The following KIAA1328 variants were observed in gnomAD, a reference collection of about 807,000 sequenced individuals.
KIAA1328 encodes the protein KIAA1328.
A neutral mutation model predicts 68.1 loss-of-function variants in KIAA1328; 52 were observed. The observed-to-expected ratio is 0.76, with a 90% CI of 0.61 to 0.96. The LOEUF is 0.96. Among genes scored for constraint, KIAA1328 ranks in the 40% least tolerant of loss-of-function variants. KIAA1328 has a pLI of 0.00. For missense variants in KIAA1328, 641 were observed against 677.6 expected (o/e 0.95, Z 0.60); for synonymous variants, 232 against 239.4 (o/e 0.97, Z 0.28).
At chr18:36,869,051 T>C (rs1217931231) in intron 4 of KIAA1328, among the ~76,000 whole-genome samples, 1 of 150,536 alleles carries the variant, frequency 6.6e-6, no homozygotes, top group Non-Finnish European at 1.5e-5. Context: ...TTCTTTCTTT[T>C]TTTTTTTTTT....
intron 9 of KIAA1328, among the ~76,000 whole-genome samples, chr18:37,207,480 A>C (rs957939076): frequency 6.6e-6 from 1 of 152,210 alleles, no homozygotes; most frequent in African/African-American, 2.4e-5. Flanking sequence ...GACCAAGGTC[A>C]TGTATATGTT....
At chr18:37,075,099 A>T (rs1411452329) in intron 7 of KIAA1328, 1 of 152,010 alleles carries the variant, frequency 6.6e-6, no homozygotes, top group Non-Finnish European at 1.5e-5. Context: ...TGGGTTACCC[A>T]CAAAGGGAAG....
intron 5 of KIAA1328, among the ~76,000 whole-genome samples, chr18:36,925,542 CT>C (rs796763918): frequency 1.2e-3 from 174 of 144,492 alleles, no homozygotes; most frequent in Middle Eastern, 3.6e-3. Flanking sequence ...AAATTTGGTT[CT>C]TTTTTTTTTT....
chr18:36,959,230 T>C, intron 5 of KIAA1328, 78 bp from the exon 6 acceptor site: 2 of 1,339,850 alleles, frequency 1.5e-6, no homozygotes, highest in Non-Finnish European at 2.0e-6. Flanking sequence ...GTTTTGTTTA[T>C]TGGAATATGA....
chr18:36,974,512 G>A (rs2052382652), intron 6 of KIAA1328, among the ~76,000 whole-genome samples: 1 of 152,010 alleles, frequency 6.6e-6, no homozygotes, highest in Non-Finnish European at 1.5e-5. Flanking sequence ...GTATTCCATT[G>A]TGTATATACC....
intron 9 of KIAA1328, among the ~76,000 whole-genome samples, chr18:37,197,704 A>C (rs918826615): frequency 2.0e-5 from 3 of 152,132 alleles, no homozygotes; most frequent in Non-Finnish European, 2.9e-5. Context: ...CAAGAAAAAC[A>C]TTTCCACATA....
intron 7 of KIAA1328, among the ~76,000 whole-genome samples, chr18:37,114,202 A>G (rs1402505802): frequency 6.6e-6 from 1 of 152,226 alleles, no homozygotes; most frequent in African/African-American, 2.4e-5. Flanking sequence ...TCAACAGACT[A>G]TACATTCTTC....
chr18:36,993,091 G>A (rs925126734), intron 6 of KIAA1328, among the ~76,000 whole-genome samples: 1 of 152,142 alleles, frequency 6.6e-6, no homozygotes, highest in African/African-American at 2.4e-5. Context: ...GGGTGAGAGA[G>A]TGAGATCCTG....
intron 4 of KIAA1328, among the ~76,000 whole-genome samples, chr18:36,849,157 G>T (rs769016274): frequency 6.6e-6 from 1 of 151,752 alleles, no homozygotes; most frequent in Non-Finnish European, 1.5e-5. Context: ...TCTGTGAAAC[G>T]CAATGTGCAT....
chr18:37,169,173 T>A lies in KIAA1328; in HGVS notation c.1415-3800T>A, dbSNP rs964801767. Among the ~76,000 whole-genome samples, 155 of 150,148 alleles carry A rather than the reference T, an allele frequency of 1.0e-3. 2 individuals carry two copies. The highest frequency in any genetic ancestry group is 3.7e-3 in the African/African-American group (153 of 41,156). ...ATTTATTTATTTATTTATTTATATT[T>A]TTTTTTTTTTGAGACAGAGTCTGGC... On this transcript the variant is annotated intron_variant, in intron 8 of 9. Coordinates refer to ENST00000280020, the MANE Select transcript of KIAA1328 (RefSeq NM_020776.3).
chr18:37,141,270 C>G (rs1332567679), intron 7 of KIAA1328, among the ~76,000 whole-genome samples: 2 of 152,078 alleles, frequency 1.3e-5, no homozygotes, highest in Non-Finnish European at 2.9e-5. Flanking sequence ...GATCCCTAGC[C>G]CATGCAACCA....
chr18:37,113,906 CAAAG>C (rs1556888908), intron 7 of KIAA1328, among the ~76,000 whole-genome samples: 1 of 152,040 alleles, frequency 6.6e-6, no homozygotes, highest in Non-Finnish European at 1.5e-5. Context: ...TCAAAAGAGA[CAAAG>C]AAGGCCATTA....
At chr18:37,181,955 T>C (rs1409587898) in intron 9 of KIAA1328, among the ~76,000 whole-genome samples, 1 of 152,186 alleles carries the variant, frequency 6.6e-6, no homozygotes, top group Non-Finnish European at 1.5e-5. Context: ...TTCCAAGTAG[T>C]TGCAAAAACC....
intron 5 of KIAA1328, among the ~76,000 whole-genome samples, chr18:36,892,092 A>C (rs1018350163): frequency 6.6e-6 from 1 of 152,170 alleles, no homozygotes; most frequent in African/African-American, 2.4e-5. Context: ...TCATCCCTGC[A>C]TAGGAGCCAG....
chr18:37,162,368 G>A (rs1486613582), intron 8 of KIAA1328, among the ~76,000 whole-genome samples: 2 of 151,574 alleles, frequency 1.3e-5, no homozygotes, highest in Non-Finnish European at 2.9e-5. Flanking sequence ...TTCTACTCAT[G>A]AAAAAGACCG....
At chr18:37,035,459 A>G (rs1359051531) in intron 6 of KIAA1328, among the ~76,000 whole-genome samples, 1 of 152,206 alleles carries the variant, frequency 6.6e-6, no homozygotes, top group Non-Finnish European at 1.5e-5. Flanking sequence ...TGGAAATGTC[A>G]TCTGTTATTC....
chr18:37,224,006 C>G lies in KIAA1328; in HGVS notation c.*1779C>G. 1 of 985,338 alleles carries G rather than the reference C, an allele frequency of 1.0e-6. No individual in the cohort carries two copies. The highest frequency in any genetic ancestry group is 4.7e-5 in the South Asian group (1 of 21,280). 61.0% of individuals were successfully genotyped at this position (985,338 alleles called of 1,614,324 possible). A position where few individuals can be genotyped will look rare whatever the true frequency, so the allele number is the denominator to read the frequency against. ...TGAGAGTAACCAAATCGGTTTCATCCCATATCAAAAAGCCTTTGGAGTGTG... is the reference window on the plus strand; with the variant it reads ...TGAGAGTAACCAAATCGGTTTCATCGCATATCAAAAAGCCTTTGGAGTGTG... On this transcript the variant is annotated 3_prime_UTR_variant, in exon 10 of 10. Coordinates refer to ENST00000280020, the MANE Select transcript of KIAA1328 (RefSeq NM_020776.3).
At chr18:37,158,055 AAC>A (rs2059194460) in intron 7 of KIAA1328, among the ~76,000 whole-genome samples, 1 of 150,706 alleles carries the variant, frequency 6.6e-6, no homozygotes, top group African/African-American at 2.4e-5. Flanking sequence ...TTTTTTTGGA[AAC>A]AGAGTCTCAC....
intron 6 of KIAA1328, among the ~76,000 whole-genome samples, chr18:37,061,454 T>G (rs768200184): frequency 1.6e-4 from 25 of 152,206 alleles, no homozygotes; most frequent in Non-Finnish European, 3.2e-4. Flanking sequence ...AGCTGTACAC[T>G]GAAGATCTTT....
Sources: gnomAD v4.1 joint callset for allele counts (sites outside exome capture counted in the v4.1 genomes callset) on GRCh38, gnomAD v4.1.1 for gene constraint, MANE v1.5 for transcripts, NCBI Gene and HGNC (gene_info 2026-07-23, HGNC 2026-07-21) for gene names.